CREBRF: variants seen among roughly 807,000 people sequenced by gnomAD.
The protein encoded by CREBRF is UPF0474 protein C5orf41.
A neutral mutation model predicts 66.1 loss-of-function variants in CREBRF; 5 were observed. The observed-to-expected ratio is 0.08, with a 90% CI of 0.04 to 0.16. CREBRF has a LOEUF of 0.16. Among genes scored for constraint, CREBRF ranks in the 10% least tolerant of loss-of-function variants. The pLI is 1.00. For missense variants in CREBRF, 531 were observed against 744.9 expected (o/e 0.71, Z 3.34); for synonymous variants, 229 against 264.4 (o/e 0.87, Z 1.30).
chr5:173,066,495 A>G (rs1176142585), intron 1 of CREBRF, among the ~76,000 whole-genome samples: 1 of 152,128 alleles, frequency 6.6e-6, no homozygotes, highest in Non-Finnish European at 1.5e-5. Flanking sequence ...TTTAAAATTC[A>G]GCTTTATTGA....
rs2113736153 is a variant in CREBRF, at chr5:173,090,487, A to G, written c.308A>G (p.Lys103Arg). Residue 103 changes from lysine to arginine, a missense_variant, in exon 4 of 9, where the codon AAA becomes AGA. Physicochemically the swap from Lys to Arg is conservative, Grantham distance 26. This residue lies in a region of CREBRF where 133 missense variants were observed against 215.6 expected (regional missense o/e 0.62). Transcript: ENST00000296953. The surrounding 1 kb of genome is among the most constrained non-coding windows in gnomAD (Gnocchi z 4.5). ...TGTGAAGACCTAACGAAATATACCA[A>G]ACTAACCAGCTGTGACATCTGGGGA... ...TYCEDLTKYT[K>R]LTSCDIWGTK... 3 of 1,613,608 alleles carry G rather than the reference A, an allele frequency of 1.9e-6. No individual in the cohort carries two copies. Among genetic ancestry groups the G allele is most frequent in the African/African-American group, 1.3e-5 (1 of 75,030 alleles).
chr5:173,089,820 T>A (rs1182554952), intron 3 of CREBRF, among the ~76,000 whole-genome samples: 6 of 152,258 alleles, frequency 3.9e-5, no homozygotes, highest in Middle Eastern at 3.4e-3. Flanking sequence ...ATATTTAAGT[T>A]CCCACTAAAA....
intron 4 of CREBRF, chr5:173,092,442 T>C (rs1019822245): frequency 7.1e-6 from 7 of 984,248 alleles, no homozygotes; most frequent in Non-Finnish European, 8.4e-6. Flanking sequence ...CTTTTGGCGC[T>C]GTTGGCTTGT....
At chr5:173,061,440 T>C (rs987978888) in intron 1 of CREBRF, among the ~76,000 whole-genome samples, 1 of 152,256 alleles carries the variant, frequency 6.6e-6, no homozygotes, top group Non-Finnish European at 1.5e-5. Flanking sequence ...TACATATAAA[T>C]GTTTTCTTGA....
intron 1 of CREBRF, among the ~76,000 whole-genome samples, chr5:173,070,409 G>A (rs1473548734): frequency 6.6e-6 from 1 of 152,088 alleles, no homozygotes; most frequent in East Asian, 1.9e-4. Flanking sequence ...AGAAAACAAA[G>A]TGATTCTTTA....
chr5:173,100,118 G>GTGTATATA lies in CREBRF; in HGVS notation c.1223-8505_1223-8504insGTATATAT, dbSNP rs70984939. On this transcript the variant is annotated intron_variant, in intron 4 of 8. Transcript: ENST00000296953. ...TGTGTGTGTGTGTGTGTGTGTGTGT[G>GTGTATATA]TATATATATATAATTTTTTTTTTTT... Among the ~76,000 whole-genome samples, 47 of 88,378 alleles carry GTGTATATA rather than the reference G, an allele frequency of 5.3e-4. 1 individual carries two copies. The highest frequency in any genetic ancestry group is 9.3e-4 in the African/African-American group (19 of 20,428). 58.0% of individuals were successfully genotyped at this position (88,378 alleles called of 152,430 possible).
intron 5 of CREBRF, chr5:173,109,455 G>A (rs552384585): frequency 1.3e-5 from 2 of 152,252 alleles, no homozygotes; most frequent in East Asian, 1.9e-4. Flanking sequence ...CATCCTGGGC[G>A]ATAGAGTGAG....
intron 1 of CREBRF, among the ~76,000 whole-genome samples, chr5:173,079,635 A>G (rs1757872638): frequency 6.6e-6 from 1 of 152,168 alleles, no homozygotes; most frequent in South Asian, 2.1e-4. Context: ...AGTGGTTCTC[A>G]AACTTTAGAG....
chr5:173,074,312 A>G (rs1292984802), intron 1 of CREBRF, among the ~76,000 whole-genome samples: 2 of 151,872 alleles, frequency 1.3e-5, no homozygotes, highest in Non-Finnish European at 2.9e-5. Flanking sequence ...AAAAAAAAAA[A>G]AAAAAGGCTT....
At chr5:173,123,280 C>A in intron 8 of CREBRF, 78 bp downstream of exon 8, 1 of 1,435,660 alleles carries the variant, frequency 7.0e-7, no homozygotes, top group Non-Finnish European at 9.3e-7. Context: ...ATTAAAAGTT[C>A]TTTTAGTTTA....
rs1447764735 is a variant in CREBRF at position 173,135,535 on chromosome 5, T to A, written c.*1790T>A. The A allele has an allele frequency of 1.3e-5, 2 of 152,380 alleles. No individual in the cohort carries two copies. Among genetic ancestry groups the A allele is most frequent in the African/African-American group, 2.4e-5 (1 of 41,434 alleles). The allele number at this position is 152,380 out of a possible 1,614,324, so 9.4% of individuals were successfully genotyped here. A position where few individuals can be genotyped will look rare whatever the true frequency, so the allele number is the denominator to read the frequency against. ...AAAAACTAAAAAAAGAAAAAAAGCATATTTAGCAAGGAAAAAAATACCAAA... is the reference window on the plus strand; with the variant it reads ...AAAAACTAAAAAAAGAAAAAAAGCAAATTTAGCAAGGAAAAAAATACCAAA... On this transcript the variant is annotated 3_prime_UTR_variant, in exon 9 of 9. Coordinates refer to ENST00000296953, the MANE Select transcript of CREBRF (RefSeq NM_153607.3).
chr5:173,125,112 G>C (rs1421251631), intron 8 of CREBRF, among the ~76,000 whole-genome samples: 1 of 151,828 alleles, frequency 6.6e-6, no homozygotes, highest in Non-Finnish European at 1.5e-5. Flanking sequence ...TAGAGGTGGG[G>C]TTTCACCATG....
At chr5:173,096,109 C>T (rs1270770884) in intron 4 of CREBRF, among the ~76,000 whole-genome samples, 1 of 152,118 alleles carries the variant, frequency 6.6e-6, no homozygotes, top group Non-Finnish European at 1.5e-5. Flanking sequence ...GCTGGGACTA[C>T]AGGTGCCTGC....
At chr5:173,132,230 T>C (rs62385903) in intron 8 of CREBRF, among the ~76,000 whole-genome samples, 98,745 of 148,468 alleles carry the variant, frequency 0.67, 33,181 homozygotes, top group African/African-American at 0.72. Flanking sequence ...GGATTACAGG[T>C]ACCCGCCACC....
intron 1 of CREBRF, among the ~76,000 whole-genome samples, chr5:173,063,032 C>T (rs1757325859): frequency 6.6e-6 from 1 of 152,038 alleles, no homozygotes; most frequent in Non-Finnish European, 1.5e-5. Context: ...CAGGTGTGAG[C>T]CACCGCGCCC....
chr5:173,131,726 ACACAC>A lies in CREBRF; in HGVS notation c.1805-1903_1805-1899del, dbSNP rs1759429644. On this transcript the variant is annotated intron_variant, in intron 8 of 8. Transcript: ENST00000296953. ...CACACACACACACACACACACACAC[ACACAC>A]TTTTTTTTGTTTGTTTTTGGAGACG... 3.9e-5 allele frequency among the ~76,000 whole-genome samples: 5 copies of A among 129,828 alleles called. No individual in the cohort carries two copies. The South Asian group carries it at 9.1e-4, about 24-fold the overall frequency. The allele number at this position is 129,828 out of a possible 152,430, so 85.2% of individuals were successfully genotyped here. A position where few individuals can be genotyped will look rare whatever the true frequency, so the allele number is the denominator to read the frequency against.
chr5:173,106,911 G>A (rs1467917612), intron 4 of CREBRF, among the ~76,000 whole-genome samples: 1 of 151,950 alleles, frequency 6.6e-6, no homozygotes, highest in African/African-American at 2.4e-5. Context: ...CACCATGCCC[G>A]GCTAATTTTT....
At chr5:173,067,659 C>T (rs368981582) in intron 1 of CREBRF, among the ~76,000 whole-genome samples, 2 of 152,076 alleles carry the variant, frequency 1.3e-5, no homozygotes, top group Admixed American at 6.5e-5. Context: ...GATTTGTGGG[C>T]GTTGATTTCT....
chr5:173,088,926 C>T (rs185197485), intron 3 of CREBRF, among the ~76,000 whole-genome samples: 68 of 152,164 alleles, frequency 4.5e-4, no homozygotes, highest in African/African-American at 1.5e-3. Context: ...TGCCTGTAAT[C>T]CCAGCACTTT....
Sources: gnomAD v4.1 joint callset for allele counts (sites outside exome capture counted in the v4.1 genomes callset) on GRCh38, gnomAD v4.1.1 for gene constraint, gnomAD v4.1.1 regional missense constraint, Gnocchi (gnomAD v3.1) non-coding constraint, MANE v1.5 for transcripts, NCBI Gene and HGNC (gene_info 2026-07-23, HGNC 2026-07-21) for gene names.